Variants in KANK1 observed in about 807,000 individuals in gnomAD.
KANK1 encodes KN motif and ankyrin repeat domain-containing protein 1.
KANK1 carries 109 observed loss-of-function variants against 106.2 expected under a neutral mutation model. The ratio of observed to expected loss-of-function variants is 1.03; its 90% CI spans 0.88 to 1.20. The LOEUF is 1.20. Among genes scored for constraint, KANK1 ranks in the 50% most tolerant of loss-of-function variants. The probability of loss-of-function intolerance (pLI) is 0.00; values close to 1 mark genes in which losing one functional copy is unlikely to be tolerated. For missense variants in KANK1, 2,399 were observed against 1,710.7 expected, an observed-to-expected ratio of 1.40 and a Z score of -7.10; for synonymous variants, 873 against 652.2, an observed-to-expected ratio of 1.34 and a Z score of -5.16.
At chr9:684,074 G>T (rs531590335) in intron 2 of KANK1, 70 of 692,382 alleles carry the variant, frequency 1.0e-4, no homozygotes, top group Middle Eastern at 7.6e-4. Flanking sequence ...CCCAGCCCCC[G>T]GAGAGGTTTT....
chr9:569,434 TAAG>T (rs929960937), intron 1 of KANK1, among the ~76,000 whole-genome samples: 4 of 151,972 alleles, frequency 2.6e-5, no homozygotes, highest in African/African-American at 9.7e-5. Flanking sequence ...TGGTGGCTTT[TAAG>T]AAGAGGAAGG....
intron 1 of KANK1, among the ~76,000 whole-genome samples, chr9:653,763 T>C (rs554385403): frequency 2.6e-5 from 4 of 152,326 alleles, no homozygotes; most frequent in African/African-American, 9.6e-5. Context: ...AGATATGTTT[T>C]CTTCAAATAA....
At chr9:584,040 T>G (rs912885544) in intron 1 of KANK1, among the ~76,000 whole-genome samples, 10 of 152,180 alleles carry the variant, frequency 6.6e-5, no homozygotes, top group African/African-American at 2.4e-4. Flanking sequence ...TTCTGTACAT[T>G]TGACCTTGAC....
At chr9:723,938 G>GA (rs34095663) in intron 3 of KANK1, among the ~76,000 whole-genome samples, 78,769 of 135,084 alleles carry the variant, frequency 0.58, 23,402 homozygotes, top group Non-Finnish European at 0.67. Context: ...TTAAAAATAC[G>GA]AAAAAAAAAA....
In KANK1 at chr9:744,798, C is replaced by T. The variant is rs531970157; in HGVS notation, c.3996+209C>T. On this transcript the variant is annotated intron_variant, in intron 11 of 11. Coordinates refer to ENST00000382297, the MANE Select transcript of KANK1 (RefSeq NM_015158.5). The stretch of plus-strand genomic sequence containing the variant: ...TAGCAGAGGCTGGACCTTGCTTGTC[C>T]TTGCAAGACATATGCTCACAGCTTC... 7.6e-6 allele frequency: 11 copies of T among 1,450,404 alleles called. No homozygotes were observed. In the East Asian group the frequency reaches 2.5e-4, roughly 33 times the overall value. The allele number at this position is 1,450,404 out of a possible 1,614,324, so 89.8% of individuals were successfully genotyped here. A position where few individuals can be genotyped will look rare whatever the true frequency, so the allele number is the denominator to read the frequency against.
At chr9:662,066 C>G (rs1186652964) in intron 1 of KANK1, among the ~76,000 whole-genome samples, 1 of 152,058 alleles carries the variant, frequency 6.6e-6, no homozygotes, top group Non-Finnish European at 1.5e-5. Flanking sequence ...TGAGTGAACT[C>G]CCATTCACAA....
In KANK1 at chr9:608,031, A is replaced by ATTTTTTT. The variant is rs1175822024; in HGVS notation, c.-83-68857_-83-68856insTTTTTTT. On this transcript the variant is annotated intron_variant, in intron 1 of 11. Coordinates refer to ENST00000382297, the MANE Select transcript of KANK1 (RefSeq NM_015158.5). ...TTTCAGAATTATTATTATTATTATT[A>ATTTTTTT]TTATTTTTTTTTTTTTTGAGACGGA... Among the ~76,000 whole-genome samples, 155 of 88,052 alleles carry ATTTTTTT rather than the reference A, an allele frequency of 1.8e-3. 5 individuals are homozygous for ATTTTTTT. The highest frequency in any genetic ancestry group is 5.2e-3 in the African/African-American group (123 of 23,880). 57.8% of individuals were successfully genotyped at this position (88,052 alleles called of 152,430 possible).
rs191259071 is a variant in KANK1, at chr9:563,099, T to C, written c.-84+58345T>C. On this transcript the variant is annotated intron_variant, in intron 1 of 11. Transcript: ENST00000382297. ...GATTAGATCAAGTACTCTTTTTTGGTTATTTAAGAGGAAAGATGGAACCAA... is the reference window on the plus strand; with the variant it reads ...GATTAGATCAAGTACTCTTTTTTGGCTATTTAAGAGGAAAGATGGAACCAA... Among the ~76,000 whole-genome samples, 8 of 152,296 alleles carry C rather than the reference T, an allele frequency of 5.3e-5. No individual in the cohort carries two copies. The East Asian group carries it at 1.5e-3, about 29-fold the overall frequency.
chr9:572,992 A>G (rs1397114926), intron 1 of KANK1, among the ~76,000 whole-genome samples: 1 of 152,162 alleles, frequency 6.6e-6, no homozygotes. Flanking sequence ...GTTTAACCAA[A>G]AGTTCTCTTT....
At chr9:695,744 T>C (rs1821105870) in intron 2 of KANK1, among the ~76,000 whole-genome samples, 1 of 152,134 alleles carries the variant, frequency 6.6e-6, no homozygotes, top group African/African-American at 2.4e-5. Context: ...TTGTTCTAAG[T>C]GACAACACAC....
At chr9:527,596 C>G (rs887538830) in intron 1 of KANK1, among the ~76,000 whole-genome samples, 5 of 151,658 alleles carry the variant, frequency 3.3e-5, no homozygotes, top group Non-Finnish European at 5.9e-5. Context: ...CCACTACACT[C>G]GGCTGCTCTC....
At chr9:475,562 G>T (rs2058088333) in intron 3 of KANK1, among the ~76,000 whole-genome samples, 1 of 152,046 alleles carries the variant, frequency 6.6e-6, no homozygotes, top group Non-Finnish European at 1.5e-5. Flanking sequence ...CTATCTAGGG[G>T]GTCTGGGGAG....
chr9:506,615 A>T (rs1004041425), intron 1 of KANK1, among the ~76,000 whole-genome samples: 1 of 152,188 alleles, frequency 6.6e-6, no homozygotes, highest in Non-Finnish European at 1.5e-5. Flanking sequence ...GTAATTTTTT[A>T]AAATATCCAA....
At chr9:641,919 C>T (rs1838542430) in intron 1 of KANK1, among the ~76,000 whole-genome samples, 1 of 152,062 alleles carries the variant, frequency 6.6e-6, no homozygotes, top group African/African-American at 2.4e-5. Context: ...GCATAAACAA[C>T]ATTAGAACAT....
intron 1 of KANK1, among the ~76,000 whole-genome samples, chr9:626,528 TTTG>T (rs1335451879): frequency 1.3e-5 from 2 of 152,234 alleles, no homozygotes; most frequent in East Asian, 3.8e-4. Flanking sequence ...TGTTTTCTGT[TTTG>T]TTTTTGTAAT....
At chr9:717,608 T>C (rs983139953) in intron 3 of KANK1, among the ~76,000 whole-genome samples, 2 of 152,188 alleles carry the variant, frequency 1.3e-5, no homozygotes, top group East Asian at 1.9e-4. Flanking sequence ...ATGAGTTTAA[T>C]GCATTTAATA....
chr9:554,210 A>G (rs1003642381), intron 1 of KANK1, among the ~76,000 whole-genome samples: 1 of 152,224 alleles, frequency 6.6e-6, no homozygotes, highest in Non-Finnish European at 1.5e-5. Flanking sequence ...CATTGGTGTA[A>G]TTCAGTCTGA....
At chr9:744,725 T>TTCA in intron 11 of KANK1, 136 bp downstream of exon 11, 1 of 1,552,280 alleles carries the variant, frequency 6.4e-7, no homozygotes, top group East Asian at 2.4e-5. Flanking sequence ...AGCTTAAGAG[T>TTCA]TCATCCTTTC....
intron 2 of KANK1, among the ~76,000 whole-genome samples, chr9:694,119 T>A (rs1820641479): frequency 1.3e-5 from 2 of 152,194 alleles, no homozygotes; most frequent in African/African-American, 4.8e-5. Context: ...GCTCTGTTTT[T>A]CCAATAGGGA....
Sources: gnomAD v4.1 joint callset for allele counts (sites outside exome capture counted in the v4.1 genomes callset) on GRCh38, gnomAD v4.1.1 for gene constraint, MANE v1.5 for transcripts, NCBI Gene and HGNC (gene_info 2026-07-23, HGNC 2026-07-21) for gene names.